The following LRRK1 variants were observed in gnomAD, a reference collection of about 807,000 sequenced individuals.
The protein encoded by LRRK1 is leucine-rich repeat serine/threonine-protein kinase 1.
LRRK1 carries 113 observed loss-of-function variants against 209.1 expected under a neutral mutation model. That is an observed-to-expected ratio of 0.54 (90% CI 0.46 to 0.63). The LOEUF (loss-of-function observed/expected upper bound fraction) is 0.63. Among genes scored for constraint, LRRK1 ranks in the 30% least tolerant of loss-of-function variants. The pLI, the probability that LRRK1 is intolerant of heterozygous loss-of-function variation, is 0.00. For synonymous variants in LRRK1, 1,144 were observed against 1,099.7 expected (o/e 1.04, Z -0.80); for missense variants, 2,284 against 2,632.2 (o/e 0.87, Z 2.89).
At chr15:100,928,762 T>C (rs1166820309) in intron 2 of LRRK1, among the ~76,000 whole-genome samples, 1 of 152,182 alleles carries the variant, frequency 6.6e-6, no homozygotes, top group African/African-American at 2.4e-5. Flanking sequence ...TGACCTCAGC[T>C]CATGTTTGTT....
intron 12 of LRRK1, among the ~76,000 whole-genome samples, chr15:101,015,639 A>G (rs2033500449): frequency 6.9e-6 from 1 of 145,182 alleles, no homozygotes; most frequent in South Asian, 2.2e-4. Flanking sequence ...GAGGCCAGTG[A>G]TGCCAGCAGC....
chr15:100,925,425 G>C (rs914320254), intron 2 of LRRK1, among the ~76,000 whole-genome samples: 29 of 152,314 alleles, frequency 1.9e-4, no homozygotes, highest in Admixed American at 5.2e-4. Context: ...TGCAGTTATT[G>C]ACCTAATCCT....
chr15:101,012,600 G>A (rs550988083), intron 10 of LRRK1, among the ~76,000 whole-genome samples: 3 of 152,222 alleles, frequency 2.0e-5, no homozygotes, highest in Non-Finnish European at 2.9e-5. Flanking sequence ...CCCCATCAGG[G>A]CAGCCTCACC....
intron 20 of LRRK1, among the ~76,000 whole-genome samples, chr15:101,044,474 C>T (rs901907242): frequency 2.0e-5 from 3 of 152,234 alleles, no homozygotes; most frequent in Admixed American, 6.5e-5. Context: ...TTCCCTGGGA[C>T]GGCCTTTCCC....
At chr15:100,959,785 A>G (rs1469262761) in intron 2 of LRRK1, among the ~76,000 whole-genome samples, 1 of 152,222 alleles carries the variant, frequency 6.6e-6, no homozygotes, top group Non-Finnish European at 1.5e-5. Context: ...TACTTGCCAA[A>G]CACCATGCTA....
At chr15:100,967,282 C>T (rs1206753297) in intron 2 of LRRK1, among the ~76,000 whole-genome samples, 2 of 152,214 alleles carry the variant, frequency 1.3e-5, no homozygotes, top group Non-Finnish European at 1.5e-5. Flanking sequence ...CACACCAAGC[C>T]TTTTCCCGAT....
At chr15:101,017,312 A>G (rs1380401326) in intron 12 of LRRK1, among the ~76,000 whole-genome samples, 1 of 152,200 alleles carries the variant, frequency 6.6e-6, no homozygotes, top group Non-Finnish European at 1.5e-5. Context: ...TTGTGTGTTG[A>G]GTATGATACA....
intron 6 of LRRK1, among the ~76,000 whole-genome samples, chr15:101,007,298 C>T (rs1348296125): frequency 2.0e-5 from 3 of 152,162 alleles, no homozygotes; most frequent in African/African-American, 4.8e-5. Flanking sequence ...TCTAATTTTC[C>T]AATACGGATT....
chr15:101,036,141 G>A (rs1480210718), intron 20 of LRRK1, among the ~76,000 whole-genome samples: 3 of 152,176 alleles, frequency 2.0e-5, no homozygotes, highest in African/African-American at 2.4e-5. Context: ...CTTGCTAGAC[G>A]TAGGAAGTTT....
At chr15:100,973,721 C>T in intron 2 of LRRK1, 83 bp from the exon 3 acceptor site, 1 of 1,213,210 alleles carries the variant, frequency 8.2e-7, no homozygotes. Context: ...GCCGCGCCGC[C>T]TCCTGCTGTG....
At position 101,068,658 on chromosome 15, in the gene LRRK1, C is replaced by A. The variant is rs1274656803; in HGVS notation, c.5871-13C>A. ...ACCCCTGTGAGTTTCCTCAGACCCC[C>A]TTCTCTCTGCAGGGTGCTGGTGGAT... On this transcript the variant is annotated splice_polypyrimidine_tract_variant and intron_variant, in intron 33 of 33. Transcript: ENST00000388948. The A allele has an allele frequency of 1.3e-6, 2 of 1,565,480 alleles. No individual in the cohort carries two copies. The highest frequency in any genetic ancestry group is 1.7e-6 in the Non-Finnish European group (2 of 1,152,582).
At chr15:100,964,433 C>T (rs2030317875) in intron 2 of LRRK1, among the ~76,000 whole-genome samples, 2 of 152,188 alleles carry the variant, frequency 1.3e-5, no homozygotes, top group South Asian at 4.1e-4. Flanking sequence ...GGGCGAGCCC[C>T]CAAAGTGCCA....
chr15:100,990,051 C>G (rs1282883528), intron 6 of LRRK1, among the ~76,000 whole-genome samples: 1 of 152,166 alleles, frequency 6.6e-6, no homozygotes, highest in Non-Finnish European at 1.5e-5. Context: ...AATAGTTTAA[C>G]AACCTGGTAG....
chr15:101,061,326 A>C, intron 30 of LRRK1, 38 bp downstream of exon 30: 2 of 1,435,526 alleles, frequency 1.4e-6, no homozygotes, highest in Non-Finnish European at 2.0e-6. Context: ...CGAGGTAAGC[A>C]CTGCCCACTG....
In LRRK1 at chr15:101,066,078, C is replaced by T; in HGVS notation, c.5641C>T (p.Leu1881=). The T allele has an allele frequency of 6.2e-7, 1 of 1,614,162 alleles. No individual in the cohort carries two copies. Among genetic ancestry groups the T allele is most frequent in the Non-Finnish European group, 8.5e-7 (1 of 1,180,038 alleles). ...FSTDCEDSDM[L]HTPGAASDRS... ...CACCGACTGCGAGGACTCAGACATG[C>T]TACATACGCCCGGTGCTGCCTCCGA... The change falls in exon 32 of 34, where the codon CTA becomes TTA. Residue 1881 remains leucine (L), a synonymous_variant. Transcript: ENST00000388948.
At chr15:101,005,745 C>T (rs2032918572) in intron 6 of LRRK1, among the ~76,000 whole-genome samples, 1 of 152,258 alleles carries the variant, frequency 6.6e-6, no homozygotes, top group South Asian at 2.1e-4. Context: ...TCTCCCACCC[C>T]AGTGGGGCTC....
chr15:100,986,758 A>G (rs999511952), intron 4 of LRRK1, among the ~76,000 whole-genome samples: 1 of 152,214 alleles, frequency 6.6e-6, no homozygotes, highest in African/African-American at 2.4e-5. Context: ...TGGTCAACAT[A>G]AGTAAACAAG....
At chr15:101,020,619 CT>C (rs1424776296) in intron 12 of LRRK1, among the ~76,000 whole-genome samples, 1 of 152,114 alleles carries the variant, frequency 6.6e-6, no homozygotes, top group African/African-American at 2.4e-5. Context: ...TGTGATCCCC[CT>C]ACCTCGGCCT....
intron 6 of LRRK1, among the ~76,000 whole-genome samples, chr15:101,001,942 G>T (rs1024031459): frequency 6.6e-6 from 1 of 152,132 alleles, no homozygotes; most frequent in Admixed American, 6.5e-5. Context: ...CTCCGGCAAG[G>T]CTGCTCTTGA....
Sources: allele counts gnomAD v4.1 joint callset (sites outside exome capture counted in the v4.1 genomes callset), GRCh38; gene constraint gnomAD v4.1.1; transcripts MANE v1.5; gene names NCBI Gene and HGNC (gene_info 2026-07-23, HGNC 2026-07-21).